Variants in DOCK3 observed in about 807,000 individuals in gnomAD.
DOCK3 encodes dedicator of cytokinesis protein 3.
A neutral mutation model predicts 265.6 loss-of-function variants in DOCK3; 60 were observed. The observed-to-expected ratio is 0.23, with a 90% confidence interval of 0.18 to 0.28. The LOEUF (loss-of-function observed/expected upper bound fraction) is 0.28, where lower values mean the gene tolerates loss of function less well. Ranked by LOEUF, DOCK3 falls within the 10% of genes least tolerant of loss-of-function variation. The probability of loss-of-function intolerance (pLI) is 1.00; values close to 1 mark genes in which losing one functional copy is unlikely to be tolerated. For missense variants in DOCK3, 1,981 were observed against 2,594.3 expected (o/e 0.76, Z 5.14); for synonymous variants, 881 against 938.0 (o/e 0.94, Z 1.11).
intron 19 of DOCK3, among the ~76,000 whole-genome samples, chr3:51,231,121 CTT>C (rs754271357): frequency 8.6e-4 from 67 of 77,738 alleles, no homozygotes; most frequent in East Asian, 5.4e-3. Flanking sequence ...TATTTTTTGA[CTT>C]TTTTTTTTTT....
At chr3:51,121,363 A>G (rs1423940083) in intron 9 of DOCK3, among the ~76,000 whole-genome samples, 1 of 152,098 alleles carries the variant, frequency 6.6e-6, no homozygotes, top group Non-Finnish European at 1.5e-5. Context: ...CTAGTACCTC[A>G]ATTGGAAATG....
At chr3:50,796,665 A>T (rs1356379210) in intron 2 of DOCK3, among the ~76,000 whole-genome samples, 1 of 151,214 alleles carries the variant, frequency 6.6e-6, no homozygotes, top group East Asian at 1.9e-4. Context: ...GAAAGAAGGC[A>T]CTCTGACTTT....
At chr3:51,205,305 A>C (rs1029722519) in intron 12 of DOCK3, among the ~76,000 whole-genome samples, 1 of 152,182 alleles carries the variant, frequency 6.6e-6, no homozygotes, top group Admixed American at 6.5e-5. Flanking sequence ...CAGGTATAAC[A>C]CGAGGATGCT....
intron 26 of DOCK3, 31 bp from the exon 27 acceptor site, chr3:51,280,075 A>T (rs368069850): frequency 3.1e-6 from 5 of 1,598,054 alleles, no homozygotes; most frequent in Non-Finnish European, 3.4e-6. Flanking sequence ...GCAATTGGCC[A>T]TGCTAAGTGT....
intron 38 of DOCK3, among the ~76,000 whole-genome samples, chr3:51,342,940 T>C (rs1322318481): frequency 1.3e-4 from 20 of 152,144 alleles, no homozygotes; most frequent in Admixed American, 1.3e-3. Flanking sequence ...CCTCATGAGC[T>C]CATCCTCAGA....
chr3:50,932,861 A>G (rs1400269841), intron 4 of DOCK3, among the ~76,000 whole-genome samples: 1 of 152,148 alleles, frequency 6.6e-6, no homozygotes. Context: ...CTTTCATTGT[A>G]CTTGTATTAG....
At chr3:50,855,263 A>G (rs1488356280) in intron 3 of DOCK3, among the ~76,000 whole-genome samples, 1 of 152,132 alleles carries the variant, frequency 6.6e-6, no homozygotes, top group Non-Finnish European at 1.5e-5. Flanking sequence ...TTAGCAATGA[A>G]TGTTTTTCCA....
At chr3:51,305,892 G>A (rs2082661163) in intron 27 of DOCK3, among the ~76,000 whole-genome samples, 1 of 141,432 alleles carries the variant, frequency 7.1e-6, no homozygotes, top group Non-Finnish European at 1.5e-5. Flanking sequence ...AGGCTGGGGT[G>A]CTGTGGCACA....
intron 1 of DOCK3, among the ~76,000 whole-genome samples, chr3:50,691,020 T>C (rs2035201772): frequency 6.6e-6 from 1 of 151,742 alleles, no homozygotes; most frequent in Admixed American, 6.6e-5. Context: ...CGGTGGCTCA[T>C]GCCTGTAATC....
intron 1 of DOCK3, among the ~76,000 whole-genome samples, chr3:50,764,615 G>T (rs1169452073): frequency 6.6e-6 from 1 of 152,092 alleles, no homozygotes; most frequent in African/African-American, 2.4e-5. Context: ...TTAACATAGT[G>T]TGAAAAAATT....
intron 12 of DOCK3, among the ~76,000 whole-genome samples, chr3:51,185,112 A>G (rs1465906982): frequency 1.3e-5 from 2 of 152,242 alleles, no homozygotes; most frequent in African/African-American, 2.4e-5. Flanking sequence ...ACCTCAATGT[A>G]ATATGGTACC....
chr3:50,874,061 CTTTTGTTTTT>C (rs2047575252), intron 3 of DOCK3, among the ~76,000 whole-genome samples: 1 of 104,576 alleles, frequency 9.6e-6, no homozygotes, highest in Non-Finnish European at 1.9e-5. Flanking sequence ...TTTTTCTTTT[CTTTTGTTTTT>C]TTTTTTTTTG....
chr3:50,884,118 G>A (rs1030417586), intron 3 of DOCK3, among the ~76,000 whole-genome samples: 1 of 148,732 alleles, frequency 6.7e-6, no homozygotes, highest in Non-Finnish European at 1.5e-5. Context: ...TTTTTGATAT[G>A]GAGTCTCGCT....
intron 1 of DOCK3, among the ~76,000 whole-genome samples, chr3:50,738,736 T>C (rs976708717): frequency 6.6e-6 from 1 of 152,200 alleles, no homozygotes; most frequent in African/African-American, 2.4e-5. Flanking sequence ...CAAATCACAA[T>C]AGAAAATTTC....
chr3:51,050,980 T>C (rs2080973211), intron 5 of DOCK3, among the ~76,000 whole-genome samples: 1 of 152,328 alleles, frequency 6.6e-6, no homozygotes, highest in East Asian at 1.9e-4. Context: ...CTTTACACTT[T>C]GTGATGTAAC....
intron 5 of DOCK3, among the ~76,000 whole-genome samples, chr3:50,970,922 TATATATATATATATATATATATATA>T (rs1381678979): frequency 2.9e-4 from 21 of 71,990 alleles, no homozygotes; most frequent in East Asian, 9.5e-4. Flanking sequence ...TATATATATA[TATATATATATATATATATATATATA>T]ATGTGTGTGT....
At chr3:50,945,172 A>G (rs1329996088) in intron 5 of DOCK3, among the ~76,000 whole-genome samples, 1 of 152,190 alleles carries the variant, frequency 6.6e-6, no homozygotes, top group Non-Finnish European at 1.5e-5. Flanking sequence ...TTCCTCAAGT[A>G]TACAACTGAA....
intron 35 of DOCK3, among the ~76,000 whole-genome samples, chr3:51,335,813 G>A (rs112786572): frequency 0.017 from 2,622 of 152,108 alleles, 44 homozygotes; most frequent in Middle Eastern, 0.068. Flanking sequence ...ACAATATGGC[G>A]AAACCCCATC....
chr3:51,081,895 CA>C (rs56305507), intron 7 of DOCK3, among the ~76,000 whole-genome samples: 112 of 117,574 alleles, frequency 9.5e-4, no homozygotes, highest in African/African-American at 2.0e-3. Flanking sequence ...GACTCTGTCT[CA>C]AAAAAAAAAA....
Sources: gnomAD v4.1 joint callset for allele counts (sites outside exome capture counted in the v4.1 genomes callset) on GRCh38, gnomAD v4.1.1 for gene constraint, MANE v1.5 for transcripts, NCBI Gene and HGNC (gene_info 2026-07-23, HGNC 2026-07-21) for gene names.